Variants in AP2B1 observed in about 807,000 individuals in gnomAD.
AP2B1 encodes the protein AP-2 complex subunit beta.
Under a neutral mutation model 102.0 loss-of-function variants are expected in AP2B1, and 23 were observed. The observed-to-expected ratio is 0.23, with a 90% CI of 0.16 to 0.32. The LOEUF is 0.32. AP2B1 is among the 10% of genes least tolerant of loss of function. The pLI is 1.00. For missense variants in AP2B1, 541 were observed against 1,157.4 expected, an observed-to-expected ratio of 0.47 and a Z score of 7.73; for synonymous variants, 381 against 421.2, an observed-to-expected ratio of 0.90 and a Z score of 1.17.
At chr17:35,687,965 G>A (rs1437190430) in intron 18 of AP2B1, among the ~76,000 whole-genome samples, 1 of 152,086 alleles carries the variant, frequency 6.6e-6, no homozygotes, top group Non-Finnish European at 1.5e-5. Context: ...CATTTATGTT[G>A]GTGTTTTTAA....
At chr17:35,660,410 G>A (rs1379404329) in intron 14 of AP2B1, among the ~76,000 whole-genome samples, 6 of 151,962 alleles carry the variant, frequency 3.9e-5, no homozygotes, top group African/African-American at 1.5e-4. Flanking sequence ...TGTGACCACT[G>A]TGAACTACTT....
chr17:35,704,817 G>A (rs1640166447), intron 18 of AP2B1, among the ~76,000 whole-genome samples: 2 of 152,132 alleles, frequency 1.3e-5, no homozygotes, highest in Admixed American at 6.5e-5. Context: ...CAGATCACGA[G>A]GTCAGGAATT....
Position 35,598,385 on chromosome 17 carries a change from T to G in AP2B1, c.143+50T>G, listed in dbSNP as rs181233279. On this transcript the variant is annotated intron_variant, in intron 3 of 21. Transcript: ENST00000610402. ...GATCACTTCAGAGGTCCATACCCCA[T>G]CTTATGGCCTTTACTGCTTTTCCTT... The G allele has an allele frequency of 1.6e-5, 18 of 1,118,998 alleles. 2 individuals carry two copies. The South Asian group carries it at 3.0e-4, about 19-fold the overall frequency. 69.3% of individuals were successfully genotyped at this position (1,118,998 alleles called of 1,614,324 possible). A position where few individuals can be genotyped will look rare whatever the true frequency, so the allele number is the denominator to read the frequency against.
chr17:35,680,914 C>T (rs1234254728), intron 17 of AP2B1, among the ~76,000 whole-genome samples: 2 of 151,826 alleles, frequency 1.3e-5, no homozygotes, highest in Non-Finnish European at 2.9e-5. Context: ...AGCCTGGTCT[C>T]GAACTCCTGG....
At position 35,680,686 on chromosome 17, in the gene AP2B1, G is replaced by GTTTTTTTT. The variant is rs1167550201; in HGVS notation, c.2325-2003_2325-1996dup. On this transcript the variant is annotated intron_variant, in intron 17 of 21. Coordinates refer to ENST00000610402, the MANE Select transcript of AP2B1 (RefSeq NM_001030006.2). The stretch of plus-strand genomic sequence containing the variant: ...CCACCATGCCCAGTCTATGGTTTTG[G>GTTTTTTTT]TTTTTTTTTTTTTGTTTTTTTTTTT... Among the ~76,000 whole-genome samples, 166 of 59,878 alleles carry GTTTTTTTT rather than the reference G, an allele frequency of 2.8e-3. 7 individuals are homozygous for GTTTTTTTT. The highest frequency in any genetic ancestry group is 7.3e-3 in the African/African-American group (98 of 13,366). 39.3% of individuals were successfully genotyped at this position (59,878 alleles called of 152,430 possible). A position where few individuals can be genotyped will look rare whatever the true frequency, so the allele number is the denominator to read the frequency against.
chr17:35,726,124 G>C lies in AP2B1; in HGVS notation c.*2425G>C, dbSNP rs587745077. ...TGCATCCCCCCTCCTCTGCCTGAGT[G>C]TGTCTTTGTAATGTCAGCTGGCATC... On this transcript the variant is annotated 3_prime_UTR_variant, in exon 22 of 22. Coordinates refer to ENST00000610402, the MANE Select transcript of AP2B1 (RefSeq NM_001030006.2). 1 of 152,312 alleles carries C rather than the reference G, an allele frequency of 6.6e-6. No homozygotes were observed. The highest frequency in any genetic ancestry group is 2.4e-5 in the African/African-American group (1 of 41,566). 9.4% of individuals were successfully genotyped at this position (152,312 alleles called of 1,614,324 possible).
At chr17:35,709,492 C>T (rs2076405993) in intron 19 of AP2B1, among the ~76,000 whole-genome samples, 184 bp downstream of exon 19, 1 of 152,144 alleles carries the variant, frequency 6.6e-6, no homozygotes, top group Non-Finnish European at 1.5e-5. Flanking sequence ...CTTGCTCTGC[C>T]ATTGGTCTCT....
rs566280048 is a variant in AP2B1 at position 35,627,380 on chromosome 17, C to T, written c.939-5C>T. The stretch of plus-strand genomic sequence containing the variant: ...CTTCCTTTCTTCTGTTTCTGTGTAC[C>T]CTAGGCCTGAAATCTTGAAGCAGGA... On this transcript the variant is annotated splice_polypyrimidine_tract_variant and splice_region_variant and intron_variant, in intron 7 of 21. Coordinates refer to ENST00000610402, the MANE Select transcript of AP2B1 (RefSeq NM_001030006.2). 41 of 1,609,626 alleles carry T rather than the reference C, an allele frequency of 2.5e-5. No homozygotes were observed. The African/African-American group carries it at 3.6e-4, about 14-fold the overall frequency.
chr17:35,615,992 G>T (rs899313930), intron 5 of AP2B1, among the ~76,000 whole-genome samples: 2 of 151,958 alleles, frequency 1.3e-5, no homozygotes, highest in South Asian at 2.1e-4. Flanking sequence ...TGGTCTGAGT[G>T]TATTTCTGTC....
At chr17:35,667,432 T>C (rs999551031) in intron 14 of AP2B1, among the ~76,000 whole-genome samples, 14 of 152,240 alleles carry the variant, frequency 9.2e-5, no homozygotes, top group African/African-American at 3.4e-4. Context: ...TCAGAGTTCA[T>C]GTTTCTAGCT....
chr17:35,611,302 G>A (rs2073856392), intron 5 of AP2B1, among the ~76,000 whole-genome samples: 1 of 152,180 alleles, frequency 6.6e-6, no homozygotes, highest in East Asian at 1.9e-4. Flanking sequence ...TAAATATTCA[G>A]TGGTGCTAAG....
chr17:35,682,336 T>G (rs1410115462), intron 17 of AP2B1, among the ~76,000 whole-genome samples: 1 of 83,194 alleles, frequency 1.2e-5, no homozygotes, highest in Non-Finnish European at 2.4e-5. Flanking sequence ...TCCTGCCTCT[T>G]TTTTTTTTTT....
At position 35,627,245 on chromosome 17, in the gene AP2B1, C is replaced by CTTTTTTTTTTT. The variant is rs569701571; in HGVS notation, c.939-126_939-116dup. ...TAGAGGCGTATAGAGGAAGTTTATG[C>CTTTTTTTTTTT]TTTTTTTTTTTTTTTTTTTTTTTTG... On this transcript the variant is annotated intron_variant, in intron 7 of 21. Coordinates refer to ENST00000610402, the MANE Select transcript of AP2B1 (RefSeq NM_001030006.2). 15 of 178,476 alleles carry CTTTTTTTTTTT rather than the reference C, an allele frequency of 8.4e-5. 1 individual carries two copies. Among genetic ancestry groups the CTTTTTTTTTTT allele is most frequent in the East Asian group, 4.0e-4 (3 of 7,430 alleles). 11.1% of individuals were successfully genotyped at this position (178,476 alleles called of 1,614,324 possible). A position where few individuals can be genotyped will look rare whatever the true frequency, so the allele number is the denominator to read the frequency against.
intron 3 of AP2B1, among the ~76,000 whole-genome samples, chr17:35,599,270 A>G (rs1414592172): frequency 6.6e-6 from 1 of 152,242 alleles, no homozygotes; most frequent in East Asian, 1.9e-4. Context: ...ATTGACAGAC[A>G]AACTATATTT....
intron 21 of AP2B1, among the ~76,000 whole-genome samples, chr17:35,720,571 ATATTTTTTTT>A (rs1348155835): frequency 1.4e-3 from 62 of 44,174 alleles, no homozygotes; most frequent in South Asian, 4.1e-3. Context: ...ATATATATAT[ATATTTTTTTT>A]TTTTTTTTTT....
At chr17:35,670,471 GTT>G (rs2075563813) in intron 14 of AP2B1, among the ~76,000 whole-genome samples, 1 of 151,886 alleles carries the variant, frequency 6.6e-6, no homozygotes, top group Non-Finnish European at 1.5e-5. Flanking sequence ...CCCACTATAA[GTT>G]TCCTTTTAAA....
At position 35,718,121 on chromosome 17, in the gene AP2B1, AG is replaced by A. The variant is rs782583458; in HGVS notation, c.2781+774del. 7.2e-5 allele frequency among the ~76,000 whole-genome samples: 11 copies of A among 152,294 alleles called. No homozygotes were observed. In the East Asian group the frequency reaches 7.7e-4, roughly 11 times the overall value. On this transcript the variant is annotated intron_variant, in intron 21 of 21. Coordinates refer to ENST00000610402, the MANE Select transcript of AP2B1 (RefSeq NM_001030006.2). ...TTTTATGGGGATCTATTTATTTCTG[AG>A]GAAGCTGAATAGTCAGTAGCTTAAG...
In AP2B1 at chr17:35,625,039, T is replaced by C. The variant is rs146172613; in HGVS notation, c.716+452T>C. On this transcript the variant is annotated intron_variant, in intron 6 of 21. Coordinates refer to ENST00000610402, the MANE Select transcript of AP2B1 (RefSeq NM_001030006.2). ...TCCTTTCCAGTAGATATGGAAACCA[T>C]GTCAGTCTGAATTTGAAGATTTTAG... is the stretch of plus-strand genomic sequence containing the variant. 4.1e-4 allele frequency among the ~76,000 whole-genome samples: 62 copies of C among 152,306 alleles called. No homozygotes were observed. The East Asian group carries it at 9.6e-3, about 24-fold the overall frequency.
intron 12 of AP2B1, among the ~76,000 whole-genome samples, chr17:35,649,254 T>C (rs568390275): frequency 5.3e-5 from 8 of 152,250 alleles, no homozygotes; most frequent in Admixed American, 4.6e-4. Flanking sequence ...CCTGCTAATA[T>C]TTAAAGCAGT....
Sources: allele counts gnomAD v4.1 joint callset (sites outside exome capture counted in the v4.1 genomes callset), GRCh38; gene constraint gnomAD v4.1.1; transcripts MANE v1.5; gene names NCBI Gene and HGNC (gene_info 2026-07-23, HGNC 2026-07-21).